ZNF138: variants seen among roughly 807,000 people sequenced by gnomAD.
The protein encoded by ZNF138 is zinc finger protein 138.
Under a neutral mutation model 33.0 loss-of-function variants are expected in ZNF138, and 33 were observed. That is an observed-to-expected ratio of 1.00 (90% CI 0.76 to 1.34). The LOEUF (loss-of-function observed/expected upper bound fraction) is 1.34, where lower values mean the gene tolerates loss of function less well. Among genes scored for constraint, ZNF138 ranks in the 40% most tolerant of loss-of-function variants. The probability of loss-of-function intolerance (pLI) is 0.00; values close to 1 mark genes in which losing one functional copy is unlikely to be tolerated. For missense variants in ZNF138, 360 were observed against 370.8 expected, an observed-to-expected ratio of 0.97 and a Z score of 0.24; for synonymous variants, 139 against 120.4, an observed-to-expected ratio of 1.15 and a Z score of -1.01.
chr7:64,809,539 G>A (rs1272197833), intron 1 of ZNF138, among the ~76,000 whole-genome samples: 1 of 1,916 alleles, frequency 5.2e-4, no homozygotes, highest in African/African-American at 6.1e-4. Flanking sequence ...GGCCGGGCAG[G>A]GGGCTGACCC....
At chr7:64,830,038 T>G (rs1562924312) in intron 3 of ZNF138, among the ~76,000 whole-genome samples, 1 of 152,194 alleles carries the variant, frequency 6.6e-6, no homozygotes, top group Non-Finnish European at 1.5e-5. Flanking sequence ...TTGCTGCTGG[T>G]ATTATTCTCA....
At chr7:64,814,659 G>A (rs1297032027) in intron 1 of ZNF138, among the ~76,000 whole-genome samples, 2 of 152,000 alleles carry the variant, frequency 1.3e-5, no homozygotes, top group African/African-American at 2.4e-5. Flanking sequence ...CCAGCTACTC[G>A]GGATGCTGAG....
Position 64,833,071 on chromosome 7 carries a change from C to G in ZNF138, c.*869C>G, listed in dbSNP as rs1436933938. 1 of 313,688 alleles carries G rather than the reference C, an allele frequency of 3.2e-6. No individual in the cohort carries two copies. The highest frequency in any genetic ancestry group is 2.2e-5 in the African/African-American group (1 of 45,890). 19.4% of individuals were successfully genotyped at this position (313,688 alleles called of 1,614,324 possible). On this transcript the variant is annotated 3_prime_UTR_variant, in exon 4 of 4. Transcript: ENST00000307355. The stretch of plus-strand genomic sequence containing the variant: ...CTTACTATACATAAGATAATTTATA[C>G]TGGAGCAAAACCTTGGAAATTCAAA...
At chr7:64,819,113 G>T (rs73126358) in intron 3 of ZNF138, among the ~76,000 whole-genome samples, 41,836 of 151,856 alleles carry the variant, frequency 0.28, 7,043 homozygotes, top group Middle Eastern at 0.37. Flanking sequence ...GTCAATGTGG[G>T]GTTTAATAGA....
chr7:64,858,005 A>G, the ZNF138 span, among the ~76,000 whole-genome samples: 1 of 152,336 alleles, frequency 6.6e-6, no homozygotes, highest in East Asian at 1.9e-4. Context: ...CTTTTGACAG[A>G]ACAACTTCAC....
chr7:64,840,065 G>A, the ZNF138 span, among the ~76,000 whole-genome samples: 3 of 152,098 alleles, frequency 2.0e-5, no homozygotes, highest in African/African-American at 7.2e-5. Flanking sequence ...CGTTAGTCGG[G>A]GTGGTGGGAA....
At chr7:64,850,149 G>A in the ZNF138 span, among the ~76,000 whole-genome samples, 1 of 152,188 alleles carries the variant, frequency 6.6e-6, no homozygotes, top group Non-Finnish European at 1.5e-5. Context: ...TCTGTATTTA[G>A]CTCAGCTCTC....
chr7:64,821,548 T>C (rs1301640054), intron 3 of ZNF138, among the ~76,000 whole-genome samples: 1 of 151,582 alleles, frequency 6.6e-6, no homozygotes, highest in African/African-American at 2.4e-5. Flanking sequence ...TTATATTCTT[T>C]TTGTTTGTTT....
At chr7:64,819,560 G>A in intron 3 of ZNF138, among the ~76,000 whole-genome samples, 1 of 151,770 alleles carries the variant, frequency 6.6e-6, no homozygotes, top group East Asian at 1.9e-4. Flanking sequence ...GGAGAGATGG[G>A]GTTTCACCAT....
intron 1 of ZNF138, among the ~76,000 whole-genome samples, chr7:64,796,649 T>C (rs1233453102): frequency 6.6e-6 from 1 of 152,240 alleles, no homozygotes; most frequent in Non-Finnish European, 1.5e-5. Flanking sequence ...TGTTTTTTTA[T>C]GGCTGGGTGA....
chr7:64,815,266 C>G (rs1788523718), intron 2 of ZNF138, among the ~76,000 whole-genome samples: 1 of 152,102 alleles, frequency 6.6e-6, no homozygotes, highest in African/African-American at 2.4e-5. Context: ...ATGTATCCTT[C>G]ACTCTAGATT....
chr7:64,805,547 T>C (rs1028391365), intron 1 of ZNF138, among the ~76,000 whole-genome samples: 8 of 152,156 alleles, frequency 5.3e-5, no homozygotes, highest in African/African-American at 1.9e-4. Flanking sequence ...GCTGTGGCAA[T>C]TGGGATTCAT....
the ZNF138 span, chr7:64,852,620 A>T: frequency 7.7e-5 from 114 of 1,489,026 alleles, no homozygotes; most frequent in Non-Finnish European, 9.8e-5. Context: ...TGTCCTGTTG[A>T]GCCTCGCCAT....
chr7:64,827,032 T>G (rs1789674881), intron 3 of ZNF138, among the ~76,000 whole-genome samples: 1 of 152,190 alleles, frequency 6.6e-6, no homozygotes, highest in Admixed American at 6.5e-5. Flanking sequence ...CTATATACAT[T>G]TATAATAAAG....
chr7:64,805,389 ACT>A (rs1787497504), intron 1 of ZNF138, among the ~76,000 whole-genome samples: 1 of 132,020 alleles, frequency 7.6e-6, no homozygotes, highest in South Asian at 2.8e-4. Flanking sequence ...ACAGAGCAAG[ACT>A]CTGTCTCAAA....
the ZNF138 span, among the ~76,000 whole-genome samples, chr7:64,850,627 G>T: frequency 6.6e-6 from 1 of 152,136 alleles, no homozygotes. Context: ...GTGGTTCCTT[G>T]TTTCATTCCA....
Position 64,833,180 on chromosome 7 carries a change from G to A in ZNF138, c.*978G>A. 1.2e-5 allele frequency: 3 copies of A among 240,282 alleles called. No homozygotes were observed. Among genetic ancestry groups the A allele is most frequent in the Non-Finnish European group, 1.7e-5 (2 of 118,824 alleles). The allele number at this position is 240,282 out of a possible 1,614,324, so 14.9% of individuals were successfully genotyped here. Reference sequence around the variant, plus strand: ...GAAACACCACAAATGTGAAAAATTTGGTAAATTCTTTAACAAGTCTTCAAC... The same window carrying A: ...GAAACACCACAAATGTGAAAAATTTAGTAAATTCTTTAACAAGTCTTCAAC... On this transcript the variant is annotated 3_prime_UTR_variant, in exon 4 of 4. Transcript: ENST00000307355.
intron 1 of ZNF138, among the ~76,000 whole-genome samples, 156 bp from the exon 2 acceptor site, chr7:64,814,762 C>CAA (rs56168096): frequency 4.7e-5 from 7 of 148,468 alleles, no homozygotes; most frequent in African/African-American, 1.7e-4. Context: ...GACTCTGTCT[C>CAA]AAAAAAAAAA....
intron 1 of ZNF138, among the ~76,000 whole-genome samples, chr7:64,800,422 T>A (rs1017576116): frequency 6.6e-6 from 1 of 152,214 alleles, no homozygotes; most frequent in Non-Finnish European, 1.5e-5. Flanking sequence ...TTTTGAAAGC[T>A]CCTGCATCTA....
Sources: gnomAD v4.1 joint callset for allele counts (sites outside exome capture counted in the v4.1 genomes callset) on GRCh38, gnomAD v4.1.1 for gene constraint, MANE v1.5 for transcripts, NCBI Gene and HGNC (gene_info 2026-07-23, HGNC 2026-07-21) for gene names.